PAX8: variants seen among roughly 807,000 people sequenced by gnomAD.
PAX8 encodes the protein paired box protein Pax-8.
PAX8 carries 15 observed loss-of-function variants against 52.4 expected under a neutral mutation model. The ratio of observed to expected loss-of-function variants is 0.29; its 90% confidence interval spans 0.19 to 0.44. The LOEUF (loss-of-function observed/expected upper bound fraction) is 0.44, where lower values mean the gene tolerates loss of function less well. Ranked by LOEUF, PAX8 falls within the 20% of genes least tolerant of loss-of-function variation. PAX8 has a pLI of 1.00. For synonymous variants in PAX8, 284 were observed against 249.7 expected, an observed-to-expected ratio of 1.14 and a Z score of -1.29; for missense variants, 554 against 602.5, an observed-to-expected ratio of 0.92 and a Z score of 0.84.
intron 2 of PAX8, among the ~76,000 whole-genome samples, chr2:113,261,788 G>A (rs1692698003): frequency 6.6e-6 from 1 of 151,848 alleles, no homozygotes; most frequent in Non-Finnish European, 1.5e-5. Context: ...CGCAGAACAT[G>A]TCCTGAAGCA....
intron 2 of PAX8, among the ~76,000 whole-genome samples, chr2:113,256,630 A>ATGTG (rs72155714): frequency 3.6e-4 from 51 of 140,124 alleles, no homozygotes; most frequent in African/African-American, 1.4e-3. Flanking sequence ...ATATATATAT[A>ATGTG]TGTGTGTGTG....
intron 2 of PAX8, among the ~76,000 whole-genome samples, chr2:113,252,464 C>T (rs547143295): frequency 4.1e-4 from 63 of 152,284 alleles, no homozygotes; most frequent in Non-Finnish European, 7.6e-4. Context: ...AAGAAAGTGT[C>T]CCAGGGCCAT....
At position 113,244,108 on chromosome 2, in the gene PAX8, G is replaced by A. The variant is rs537404399; in HGVS notation, c.389+319C>T. On this transcript the variant is annotated intron_variant, in intron 4 of 11. Coordinates refer to ENST00000429538, the MANE Select transcript of PAX8 (RefSeq NM_003466.4). Reference sequence around the variant, plus strand: ...ATGCTTGAATGTGGGCTGGGTTAGGGGTCTGATGGCTTAGAAAAGGATCAA... The same window carrying A: ...ATGCTTGAATGTGGGCTGGGTTAGGAGTCTGATGGCTTAGAAAAGGATCAA... Among the ~76,000 whole-genome samples the A allele has an allele frequency of 9.8e-5, 15 of 152,286 alleles. No individual in the cohort carries two copies. The South Asian group carries it at 3.1e-3, about 32-fold the overall frequency.
intron 7 of PAX8, chr2:113,239,842 T>G (rs1690668148): frequency 6.6e-6 from 1 of 152,166 alleles, no homozygotes; most frequent in African/African-American, 2.4e-5. Flanking sequence ...CTCCAAAACC[T>G]TCTGATTGCC....
At chr2:113,229,325 G>C (rs1163180029) in intron 9 of PAX8, among the ~76,000 whole-genome samples, 1 of 152,192 alleles carries the variant, frequency 6.6e-6, no homozygotes, top group Non-Finnish European at 1.5e-5. Context: ...ATTTCTATGA[G>C]GTTATCTGCA....
At chr2:113,219,970 T>C (rs1335559798) in intron 11 of PAX8, 122 bp downstream of exon 11, 3 of 667,108 alleles carry the variant, frequency 4.5e-6, no homozygotes, top group Non-Finnish European at 8.0e-6. Flanking sequence ...AACAGCACCA[T>C]CTCCCAGGCC....
intron 2 of PAX8, among the ~76,000 whole-genome samples, chr2:113,262,563 T>C (rs1041680706): frequency 6.6e-6 from 1 of 152,200 alleles, no homozygotes; most frequent in Non-Finnish European, 1.5e-5. Context: ...TTAGGTGTTA[T>C]GAATTGAATA....
intron 4 of PAX8, among the ~76,000 whole-genome samples, chr2:113,242,993 A>G (rs577695505): frequency 6.6e-6 from 1 of 152,312 alleles, no homozygotes; most frequent in East Asian, 1.9e-4. Flanking sequence ...ACTCAAGGCC[A>G]AAACAGAGAT....
At chr2:113,246,689 C>G in intron 3 of PAX8, 65 bp downstream of exon 3, 2 of 1,545,370 alleles carry the variant, frequency 1.3e-6, no homozygotes. Context: ...CTCTAGCTGC[C>G]CTGAGATCAG....
chr2:113,232,259 C>G (rs1689943829), intron 9 of PAX8, among the ~76,000 whole-genome samples: 1 of 152,230 alleles, frequency 6.6e-6, no homozygotes, highest in Non-Finnish European at 1.5e-5. Context: ...TGGACACCAG[C>G]CATCCCCTCC....
intron 2 of PAX8, among the ~76,000 whole-genome samples, chr2:113,249,791 T>C (rs796202607): frequency 1.2e-4 from 18 of 152,310 alleles, no homozygotes; most frequent in African/African-American, 4.1e-4. Flanking sequence ...CTTATTTTAT[T>C]TGACTGTCTT....
chr2:113,221,247 C>T (rs1338007921), intron 10 of PAX8, among the ~76,000 whole-genome samples: 4 of 152,100 alleles, frequency 2.6e-5, no homozygotes, highest in Admixed American at 6.5e-5. Context: ...TTCACTTATG[C>T]GATAATTCCA....
chr2:113,217,715 T>C lies in PAX8; in HGVS notation c.*818A>G, dbSNP rs1689074683. 1 of 232,440 alleles carries C rather than the reference T, an allele frequency of 4.3e-6. No individual in the cohort carries two copies. Among genetic ancestry groups the C allele is most frequent in the Admixed American group, 5.6e-5 (1 of 17,768 alleles). 14.4% of individuals were successfully genotyped at this position (232,440 alleles called of 1,614,324 possible). A position where few individuals can be genotyped will look rare whatever the true frequency, so the allele number is the denominator to read the frequency against. On this transcript the variant is annotated 3_prime_UTR_variant, in exon 12 of 12. Transcript: ENST00000429538. ...GGTTTCCTGCGATTCTGCCTTGTTC[T>C]GCCCTGGGTGAAGCCGCACACCACA... is the stretch of plus-strand genomic sequence containing the variant.
In PAX8 at chr2:113,227,166, C is replaced by G. The variant is rs1276649237; in HGVS notation, c.1178G>C (p.Gly393Ala). 5 of 1,599,592 alleles carry G rather than the reference C, an allele frequency of 3.1e-6. No individual in the cohort carries two copies. The highest frequency in any genetic ancestry group is 1.7e-5 in the Admixed American group (1 of 57,640). ...QGSYASSAIA[G>A]MVAGSEYSGN... is the part of the protein sequence containing the mutation. ...GGCCCTCTCCTTACCTGCCACCATGCCTGCGATGGCAGAGGAGGCATAGCT... is the reference window on the plus strand; with the variant it reads ...GGCCCTCTCCTTACCTGCCACCATGGCTGCGATGGCAGAGGAGGCATAGCT... Residue 393 changes from glycine (G) to alanine (A), a missense_variant, in exon 10 of 12, where the codon GGC becomes GCC. By Grantham distance (60) the Gly-to-Ala change is moderately conservative. Coordinates refer to ENST00000429538, the MANE Select transcript of PAX8 (RefSeq NM_003466.4).
intron 10 of PAX8, among the ~76,000 whole-genome samples, chr2:113,223,201 C>T (rs749813604): frequency 6.6e-6 from 1 of 152,132 alleles, no homozygotes; most frequent in Non-Finnish European, 1.5e-5. Context: ...TCTACTACAT[C>T]ACTTCCCCTC....
At chr2:113,259,723 G>A (rs1692527009) in intron 2 of PAX8, 1 of 152,030 alleles carries the variant, frequency 6.6e-6, no homozygotes, top group Non-Finnish European at 1.5e-5. Context: ...GATGAAACAT[G>A]AACTTCTAGT....
intron 9 of PAX8, among the ~76,000 whole-genome samples, chr2:113,229,865 G>C (rs1473190369): frequency 6.6e-6 from 1 of 152,114 alleles, no homozygotes; most frequent in Non-Finnish European, 1.5e-5. Flanking sequence ...GGTGAGGGAG[G>C]GAGTGATGGA....
intron 2 of PAX8, among the ~76,000 whole-genome samples, chr2:113,252,300 G>A (rs1260338965): frequency 1.3e-5 from 2 of 152,252 alleles, no homozygotes; most frequent in African/African-American, 4.8e-5. Flanking sequence ...TTGTCCATGC[G>A]AATCAGTCCC....
chr2:113,228,951 TGTTC>T (rs1689738306), intron 9 of PAX8, among the ~76,000 whole-genome samples: 1 of 152,220 alleles, frequency 6.6e-6, no homozygotes, highest in Non-Finnish European at 1.5e-5. Context: ...CCAAAGACAG[TGTTC>T]ATTCACTAAA....
Sources: gnomAD v4.1 joint callset for allele counts (sites outside exome capture counted in the v4.1 genomes callset) on GRCh38, gnomAD v4.1.1 for gene constraint, MANE v1.5 for transcripts, NCBI Gene and HGNC (gene_info 2026-07-23, HGNC 2026-07-21) for gene names.